INSIG1: variants seen among roughly 807,000 people sequenced by gnomAD.
The protein encoded by INSIG1 is insulin-induced gene 1 protein.
In INSIG1, 14 loss-of-function variants were observed where a neutral mutation model predicts 26.5. The ratio of observed to expected loss-of-function variants is 0.53; its 90% CI spans 0.35 to 0.83. INSIG1 has a LOEUF of 0.83. Ranked by LOEUF, INSIG1 falls within the 40% of genes least tolerant of loss-of-function variation. INSIG1 has a pLI of 0.01. For missense variants in INSIG1, 272 were observed against 368.9 expected, an observed-to-expected ratio of 0.74 and a Z score of 2.15; for synonymous variants, 147 against 153.3, an observed-to-expected ratio of 0.96 and a Z score of 0.30.
chr7:155,300,042 G>A (rs1385343859), intron 2 of INSIG1, among the ~76,000 whole-genome samples: 1 of 152,152 alleles, frequency 6.6e-6, no homozygotes, highest in African/African-American at 2.4e-5. Flanking sequence ...GGAGGGACGG[G>A]ATCCTCTTTC....
chr7:155,300,244 CTG>C (rs35581811), intron 2 of INSIG1, among the ~76,000 whole-genome samples: 8,400 of 152,096 alleles, frequency 0.055, 734 homozygotes, highest in African/African-American at 0.19. Context: ...CTAGGAATAT[CTG>C]GACAATTTCT....
intron 5 of INSIG1, among the ~76,000 whole-genome samples, chr7:155,307,988 C>T (rs1585209169): frequency 1.3e-5 from 2 of 152,156 alleles, no homozygotes; most frequent in Admixed American, 1.3e-4. Context: ...TCACCTGAGG[C>T]AGAGAATTAT....
intron 5 of INSIG1, among the ~76,000 whole-genome samples, chr7:155,307,154 A>C (rs79593258): frequency 0.012 from 1,904 of 152,326 alleles, 36 homozygotes; most frequent in African/African-American, 0.044. Context: ...TCATATCTAA[A>C]AATTGGCAGT....
intron 5 of INSIG1, among the ~76,000 whole-genome samples, chr7:155,304,672 A>G (rs568400056): frequency 6.6e-6 from 1 of 152,246 alleles, no homozygotes; most frequent in African/African-American, 2.4e-5. Context: ...TTTTGAAGAT[A>G]GTTTCATTAA....
chr7:155,303,703 G>T, intron 5 of INSIG1: 1 of 339,742 alleles, frequency 2.9e-6, no homozygotes. Context: ...TTGGCAGGCT[G>T]AAAGAAAGTA....
At chr7:155,308,215 C>CTTTTTT in intron 5 of INSIG1, 26 bp from the exon 6 acceptor site, 1 of 1,095,544 alleles carries the variant, frequency 9.1e-7, no homozygotes, top group Admixed American at 2.3e-5. Context: ...TTTCTCTTTC[C>CTTTTTT]TTTTTTTTTT....
At chr7:155,300,356 G>A (rs772589842) in intron 2 of INSIG1, among the ~76,000 whole-genome samples, 18 of 152,086 alleles carry the variant, frequency 1.2e-4, no homozygotes, top group Non-Finnish European at 1.9e-4. Context: ...AAGCTATAGT[G>A]AAGTAAAGTT....
rs879548797 is a variant in INSIG1 at position 155,302,171 on chromosome 7, A to G, written c.538-80A>G. 2 of 1,099,456 alleles carry G rather than the reference A, an allele frequency of 1.8e-6. No homozygotes were observed. Among genetic ancestry groups the G allele is most frequent in the Non-Finnish European group, 2.6e-6 (2 of 779,332 alleles). The allele number at this position is 1,099,456 out of a possible 1,614,324, so 68.1% of individuals were successfully genotyped here. On this transcript the variant is annotated intron_variant, in intron 3 of 5. Coordinates refer to ENST00000340368, the MANE Select transcript of INSIG1 (RefSeq NM_005542.6). The surrounding 1 kb of genome is among the most constrained non-coding windows in gnomAD (Gnocchi z 4.3). ...TCTGTGGTACAATAATAAAATACCC[A>G]TGTTTTTAACCCTTGTGGTTTTACG...
chr7:155,306,991 C>T (rs954372683), intron 5 of INSIG1, among the ~76,000 whole-genome samples: 3 of 152,236 alleles, frequency 2.0e-5, no homozygotes, highest in South Asian at 2.1e-4. Flanking sequence ...TGGCCTCTGT[C>T]GACCAGGGAT....
chr7:155,303,658 A>T (rs991029253), intron 5 of INSIG1, among the ~76,000 whole-genome samples: 9 of 152,218 alleles, frequency 5.9e-5, no homozygotes, highest in Admixed American at 4.6e-4. Flanking sequence ...TTAAAAACAT[A>T]GAGGTGGACT....
At chr7:155,307,346 G>A (rs374720740) in intron 5 of INSIG1, among the ~76,000 whole-genome samples, 1 of 152,192 alleles carries the variant, frequency 6.6e-6, no homozygotes, top group African/African-American at 2.4e-5. Flanking sequence ...CATTGCTGAA[G>A]GTGAGGAGCT....
intron 5 of INSIG1, among the ~76,000 whole-genome samples, chr7:155,306,289 C>T (rs561028110): frequency 3.3e-5 from 5 of 152,252 alleles, no homozygotes; most frequent in African/African-American, 9.6e-5. Context: ...CATGAGCCAC[C>T]GCGCCCGGCC....
At position 155,308,850 on chromosome 7, in the gene INSIG1, G is replaced by A. The variant is rs879056398; in HGVS notation, c.*580G>A. 1.2e-4 allele frequency: 19 copies of A among 153,550 alleles called. No individual in the cohort carries two copies. The South Asian group carries it at 2.6e-3, about 21-fold the overall frequency. The allele number at this position is 153,550 out of a possible 1,614,324, so 9.5% of individuals were successfully genotyped here. On this transcript the variant is annotated 3_prime_UTR_variant, in exon 6 of 6. Transcript: ENST00000340368. Reference sequence around the variant, plus strand: ...TCACGCTCGTCCGTCCTGCAGTGGCGTGTTTACATGGTCACACGTGTGTGT... The same window carrying A: ...TCACGCTCGTCCGTCCTGCAGTGGCATGTTTACATGGTCACACGTGTGTGT...
Position 155,298,498 on chromosome 7 carries a change from G to C in INSIG1, c.213G>C (p.Glu71Asp), listed in dbSNP as rs1453474977. 3 of 1,575,296 alleles carry C rather than the reference G, an allele frequency of 1.9e-6. No individual in the cohort carries two copies. In the African/African-American group the frequency reaches 4.0e-5, roughly 21 times the overall value. ...GCAGTGCTGCGATGAGCGGCCCCGAGCCCGGCAGCCCCTACCCCAACACCT... is the reference window on the plus strand; with the variant it reads ...GCAGTGCTGCGATGAGCGGCCCCGACCCCGGCAGCCCCTACCCCAACACCT... ...RGRSAAMSGP[E>D]PGSPYPNTWH... Residue 71 changes from glutamate to aspartate, a missense_variant, in exon 2 of 6, where the codon GAG becomes GAC. This residue lies in a region of INSIG1 where 161 missense variants were observed against 179.2 expected (regional missense o/e 0.90). Transcript: ENST00000340368.
chr7:155,306,707 T>C (rs957054762), intron 5 of INSIG1, among the ~76,000 whole-genome samples: 28 of 152,304 alleles, frequency 1.8e-4, no homozygotes, highest in African/African-American at 6.7e-4. Context: ...AAAGGGGAAA[T>C]TGCAGCTTAG....
intron 2 of INSIG1, among the ~76,000 whole-genome samples, chr7:155,299,240 A>G (rs1797720101): frequency 6.6e-6 from 1 of 152,186 alleles, no homozygotes; most frequent in Admixed American, 6.5e-5. Flanking sequence ...AACCGCCTAC[A>G]CCCTGAACTG....
At position 155,302,271 on chromosome 7, in the gene INSIG1, T is replaced by C; in HGVS notation, c.558T>C (p.Asn186=). ...ACCAGAAATTGGATTTTGCCAATAA[T>C]GTCCAGCTGTCCTTGACTTTAGCAG... ...HASAKLDFAN[N]VQLSLTLAAL... The change falls in exon 4 of 6, where the codon AAT becomes AAC. Residue 186 remains asparagine (N), a synonymous_variant. Transcript: ENST00000340368. The surrounding 1 kb of genome is among the most constrained non-coding windows in gnomAD (Gnocchi z 4.3). 1 of 1,570,126 alleles carries C rather than the reference T, an allele frequency of 6.4e-7. No individual in the cohort carries two copies. The highest frequency in any genetic ancestry group is 8.6e-7 in the Non-Finnish European group (1 of 1,162,792).
chr7:155,306,659 A>G (rs1284075439), intron 5 of INSIG1, among the ~76,000 whole-genome samples: 1 of 152,236 alleles, frequency 6.6e-6, no homozygotes, highest in Admixed American at 6.5e-5. Flanking sequence ...CTCATAACAC[A>G]AGTCTTTGAA....
rs1169716239 is a variant in INSIG1 at position 155,302,930 on chromosome 7, C to T, written c.804+84C>T. 8 of 929,036 alleles carry T rather than the reference C, an allele frequency of 8.6e-6. No homozygotes were observed. Among genetic ancestry groups the T allele is most frequent in the African/African-American group, 8.2e-5 (5 of 61,196 alleles). 57.5% of individuals were successfully genotyped at this position (929,036 alleles called of 1,614,324 possible). On this transcript the variant is annotated intron_variant, in intron 5 of 5. Transcript: ENST00000340368. The surrounding 1 kb of genome is among the most constrained non-coding windows in gnomAD (Gnocchi z 4.3). ...ACTTTACATGATACATTCAAATTTG[C>T]GTTCATATATTCTGGTTCAGACTTG... is the stretch of plus-strand genomic sequence containing the variant.
Sources: gnomAD v4.1 joint callset for allele counts (sites outside exome capture counted in the v4.1 genomes callset) on GRCh38, gnomAD v4.1.1 for gene constraint, gnomAD v4.1.1 regional missense constraint, Gnocchi (gnomAD v3.1) non-coding constraint, MANE v1.5 for transcripts, NCBI Gene and HGNC (gene_info 2026-07-23, HGNC 2026-07-21) for gene names.